The following DAB2IP variants were observed in gnomAD, a reference collection of about 807,000 sequenced individuals.
DAB2IP encodes DAB2 interacting protein.
Under a neutral mutation model 107.2 loss-of-function variants are expected in DAB2IP, and 28 were observed. The ratio of observed to expected loss-of-function variants is 0.26; its 90% confidence interval spans 0.19 to 0.36. The LOEUF (loss-of-function observed/expected upper bound fraction) is 0.36, where lower values mean the gene tolerates loss of function less well. DAB2IP is among the 10% of genes least tolerant of loss of function. The pLI is 1.00. For missense variants in DAB2IP, 1,400 were observed against 1,644.7 expected, an observed-to-expected ratio of 0.85 and a Z score of 2.57; for synonymous variants, 755 against 706.4, an observed-to-expected ratio of 1.07 and a Z score of -1.09.
At chr9:121,783,641 A>C in exon 16 of DAB2IP, 2 of 1,489,136 alleles carry the variant, frequency 1.3e-6, no homozygotes, top group African/African-American at 2.8e-5. Context: ...AGGATGTTAG[A>C]CTTGCTCCCT....
chr9:121,725,837 C>T (rs368860920), intron 3 of DAB2IP, among the ~76,000 whole-genome samples: 6 of 152,092 alleles, frequency 3.9e-5, no homozygotes, highest in African/African-American at 1.4e-4. Context: ...AGGAAGGCAG[C>T]AGGGTATGGA....
intron 3 of DAB2IP, among the ~76,000 whole-genome samples, chr9:121,752,693 G>T (rs968026159): frequency 1.3e-5 from 2 of 152,240 alleles, no homozygotes; most frequent in African/African-American, 4.8e-5. Flanking sequence ...GGAGCAGGGA[G>T]GTAGATGCCA....
At position 121,782,505 on chromosome 9, in the gene DAB2IP, TGAG is replaced by T. The variant is rs1469086613; in HGVS notation, c.*12_*14del. The stretch of plus-strand genomic sequence containing the variant: ...AAACAGCAGCAATTGTTAACCTGCC[TGAG>T]GAGGGAGGAAGCTACCCAAGGAGAG... On this transcript the variant is annotated 3_prime_UTR_variant, in exon 16 of 16. Coordinates refer to ENST00000408936, the Ensembl canonical transcript of DAB2IP. The surrounding 1 kb of genome is among the most constrained non-coding windows in gnomAD (Gnocchi z 6.1). The T allele has an allele frequency of 6.2e-7, 1 of 1,612,844 alleles. No homozygotes were observed. The highest frequency in any genetic ancestry group is 1.3e-5 in the African/African-American group (1 of 74,868).
intron 3 of DAB2IP, among the ~76,000 whole-genome samples, chr9:121,715,900 G>A (rs1045450009): frequency 1.3e-5 from 2 of 152,210 alleles, no homozygotes; most frequent in African/African-American, 4.8e-5. Context: ...CAAGGTTTCA[G>A]GAGTGGCAGC....
intron 1 of DAB2IP, among the ~76,000 whole-genome samples, chr9:121,594,365 G>A (rs967238100): frequency 6.6e-6 from 1 of 151,276 alleles, no homozygotes; most frequent in African/African-American, 2.4e-5. Context: ...AGCCTCCCTA[G>A]TAGCTGGGAT....
intron 1 of DAB2IP, among the ~76,000 whole-genome samples, chr9:121,631,900 G>A (rs563277283): frequency 2.7e-4 from 41 of 152,196 alleles, no homozygotes; most frequent in African/African-American, 9.4e-4. Context: ...AGGGAGCAGG[G>A]CAGGTTTGGG....
intron 3 of DAB2IP, among the ~76,000 whole-genome samples, chr9:121,746,117 G>A (rs1832708957): frequency 6.6e-6 from 1 of 152,144 alleles, no homozygotes; most frequent in Admixed American, 6.5e-5. Context: ...TGGGCAGAGT[G>A]AGAGACAGAT....
chr9:121,783,939 C>T, exon 16 of DAB2IP: 2 of 256,990 alleles, frequency 7.8e-6, no homozygotes, highest in Non-Finnish European at 7.6e-6. Flanking sequence ...GGGGCCTTTG[C>T]CAGCAGAGCC....
chr9:121,783,535 G>A, exon 16 of DAB2IP: 1 of 1,614,132 alleles, frequency 6.2e-7, no homozygotes, highest in Non-Finnish European at 8.5e-7. Context: ...TCCTTTCACA[G>A]TATGCATTAG....
At chr9:121,641,268 A>C (rs1233204200) in intron 1 of DAB2IP, among the ~76,000 whole-genome samples, 2 of 152,198 alleles carry the variant, frequency 1.3e-5, no homozygotes, top group Non-Finnish European at 2.9e-5. Flanking sequence ...CTCACTCCCA[A>C]GGGGATTTGA....
At chr9:121,615,737 C>T (rs188490004) in intron 1 of DAB2IP, among the ~76,000 whole-genome samples, 1 of 152,028 alleles carries the variant, frequency 6.6e-6, no homozygotes, top group East Asian at 1.9e-4. Flanking sequence ...AGCGATTCTC[C>T]TGCCTCAGCC....
At position 121,624,786 on chromosome 9, in the gene DAB2IP, T is replaced by C. The variant is rs530958336; in HGVS notation, c.41-53892T>C. ...AATGATGCATTTCTCAGGACATATC[T>C]CCATCATTATGTAACACACAACTGT... On this transcript the variant is annotated intron_variant, in intron 1 of 16. Coordinates refer to the DAB2IP transcript ENST00000259371. Among the ~76,000 whole-genome samples, 125 of 152,324 alleles carry C rather than the reference T, an allele frequency of 8.2e-4. 1 individual carries two copies. The highest frequency in any genetic ancestry group is 2.1e-3 in the South Asian group (10 of 4,824).
chr9:121,743,918 C>A (rs893146764), intron 3 of DAB2IP, among the ~76,000 whole-genome samples: 3 of 152,168 alleles, frequency 2.0e-5, no homozygotes, highest in African/African-American at 7.2e-5. Flanking sequence ...AATGTAGAAA[C>A]GGTTAGGAGG....
At chr9:121,694,899 C>T (rs1410353282) in intron 2 of DAB2IP, among the ~76,000 whole-genome samples, 1 of 152,166 alleles carries the variant, frequency 6.6e-6, no homozygotes, top group African/African-American at 2.4e-5. Context: ...CTTGGTTGAC[C>T]TCAGCGTCGT....
At chr9:121,751,140 GCTGCCCGGCTGCTGTGGACCTTTCCCC>G (rs1564199423) in intron 3 of DAB2IP, 3 of 224,364 alleles carry the variant, frequency 1.3e-5, no homozygotes, top group African/African-American at 2.5e-5. Context: ...ACCTTTCCCT[GCTGCCCGGCTGCTGTGGACCTTTCCCC>G]CTGCCCGGCT....
intron 1 of DAB2IP, among the ~76,000 whole-genome samples, chr9:121,621,886 C>T (rs1324650119): frequency 6.6e-6 from 1 of 151,558 alleles, no homozygotes; most frequent in Non-Finnish European, 1.5e-5. Context: ...AACTCCTGAC[C>T]TCAAGTGATC....
At chr9:121,708,970 C>T (rs964356056) in intron 3 of DAB2IP, among the ~76,000 whole-genome samples, 2 of 152,152 alleles carry the variant, frequency 1.3e-5, no homozygotes, top group Admixed American at 6.5e-5. Flanking sequence ...GGGGGATCTG[C>T]GCCTGTGAGG....
At chr9:121,726,344 C>T (rs1376813037) in intron 3 of DAB2IP, among the ~76,000 whole-genome samples, 5 of 152,218 alleles carry the variant, frequency 3.3e-5, no homozygotes, top group Non-Finnish European at 5.9e-5. Flanking sequence ...CGCCCCTGCC[C>T]ACATACCTCT....
intron 1 of DAB2IP, among the ~76,000 whole-genome samples, chr9:121,588,833 G>C (rs545195211): frequency 1.1e-4 from 16 of 151,978 alleles, no homozygotes; most frequent in Admixed American, 2.6e-4. Context: ...TGTCACCTCT[G>C]GGGAGGTGGC....
Sources: allele counts gnomAD v4.1 joint callset (sites outside exome capture counted in the v4.1 genomes callset), GRCh38; gene constraint gnomAD v4.1.1; non-coding constraint Gnocchi (gnomAD v3.1); transcripts MANE v1.5; gene names NCBI Gene and HGNC (gene_info 2026-07-23, HGNC 2026-07-21).